EIF2S3B: variants seen among roughly 807,000 people sequenced by gnomAD.
The protein encoded by EIF2S3B is eukaryotic translation initiation factor 2 subunit gamma B, also known as eukaryotic translation initiation factor 2 subunit 3B.
In EIF2S3B, 16 loss-of-function variants were observed where a neutral mutation model predicts 26.4. The observed-to-expected ratio is 0.61, with a 90% CI of 0.41 to 0.92. EIF2S3B has a LOEUF of 0.92. Among genes scored for constraint, EIF2S3B ranks in the 40% least tolerant of loss-of-function variants. The probability of loss-of-function intolerance (pLI) is 0.00; values close to 1 mark genes in which losing one functional copy is unlikely to be tolerated. For missense variants in EIF2S3B, 510 were observed against 575.5 expected, an observed-to-expected ratio of 0.89 and a Z score of 1.16; for synonymous variants, 183 against 204.4, an observed-to-expected ratio of 0.90 and a Z score of 0.89.
At chr12:10,518,114 A>G (rs1192111021) in intron 1 of EIF2S3B, among the ~76,000 whole-genome samples, 1 of 152,116 alleles carries the variant, frequency 6.6e-6, no homozygotes, top group East Asian at 1.9e-4. Context: ...AGTTCTGTAG[A>G]TGTCTATTAG....
intron 1 of EIF2S3B, among the ~76,000 whole-genome samples, chr12:10,517,915 G>A (rs1220516539): frequency 6.6e-6 from 1 of 152,002 alleles, no homozygotes; most frequent in African/African-American, 2.4e-5. Flanking sequence ...ATGTAGTTGA[G>A]TGGTTTTGAG....
At chr12:10,523,066 TATG>T (rs1486834830) in exon 2 of EIF2S3B, 8 of 153,056 alleles carry the variant, frequency 5.2e-5, no homozygotes, top group African/African-American at 1.7e-4. Flanking sequence ...GACTGTTAAT[TATG>T]ATGTGTCCTA....
At chr12:10,511,452 T>C (rs138730225), downstream of EIF2S3B, among the ~76,000 whole-genome samples, 1,034 of 152,230 alleles carry the variant, frequency 6.8e-3, 6 homozygotes, top group Non-Finnish European at 0.011. Flanking sequence ...CTACCGCACC[T>C]GGCATTTACT....
rs1285131204 is a variant in EIF2S3B, at chr12:10,508,504, T to C, written c.*1183T>C. Among the ~76,000 whole-genome samples the C allele has an allele frequency of 1.1e-4, 2 of 17,786 alleles. No homozygotes were observed. The highest frequency in any genetic ancestry group is 2.5e-4 in the Non-Finnish European group (2 of 7,960). 11.7% of individuals were successfully genotyped at this position (17,786 alleles called of 152,430 possible). A position where few individuals can be genotyped will look rare whatever the true frequency, so the allele number is the denominator to read the frequency against. On this transcript the variant is annotated 3_prime_UTR_variant, in exon 1 of 1. Coordinates refer to ENST00000538173, the MANE Select transcript of EIF2S3B (RefSeq NM_001357734.3). ...ATTTTTGGATGTTTCAAAAGGTCAA[T>C]AAGTAAAAGATGTTAGAAAGCAAAA...
chr12:10,510,157 A>T (rs1177151585), downstream of EIF2S3B, among the ~76,000 whole-genome samples: 1 of 152,208 alleles, frequency 6.6e-6, no homozygotes, highest in Non-Finnish European at 1.5e-5. Flanking sequence ...GATGTAACAC[A>T]TACAATGAGA....
At chr12:10,517,165 G>A (rs952489124) in intron 1 of EIF2S3B, among the ~76,000 whole-genome samples, 1 of 152,042 alleles carries the variant, frequency 6.6e-6, no homozygotes, top group Non-Finnish European at 1.5e-5. Context: ...TCTATTGATT[G>A]GAATAGTTTC....
chr12:10,512,018 C>T (rs1458916021), downstream of EIF2S3B, among the ~76,000 whole-genome samples: 4 of 152,174 alleles, frequency 2.6e-5, no homozygotes, highest in Non-Finnish European at 2.9e-5. Flanking sequence ...AATCTCTTAA[C>T]GTTCCCAATT....
downstream of EIF2S3B, among the ~76,000 whole-genome samples, chr12:10,512,940 G>A (rs1864719971): frequency 6.6e-6 from 1 of 152,062 alleles, no homozygotes; most frequent in Non-Finnish European, 1.5e-5. Flanking sequence ...TCATTCATAA[G>A]ACGCTTTTAT....
chr12:10,515,641 A>G (rs1309818392), intron 1 of EIF2S3B, among the ~76,000 whole-genome samples: 2 of 152,144 alleles, frequency 1.3e-5, no homozygotes, highest in East Asian at 3.9e-4. Context: ...TATAGAAAGG[A>G]CATCAAATTT....
rs1423920839 is a variant in EIF2S3B at position 10,518,748 on chromosome 12, TC to T, written c.1309-3852del. ...ACAGAGAGCCAAATCATGAGTGAAC[TC>T]CCATTCACAATTGCTTCAAAGAGAA... On this transcript the variant is annotated intron_variant, in intron 1 of 1. Coordinates refer to the EIF2S3B transcript ENST00000322446. 6.4e-3 allele frequency among the ~76,000 whole-genome samples: 971 copies of T among 151,706 alleles called. 10 individuals are homozygous for T. The highest frequency in any genetic ancestry group is 0.022 in the African/African-American group (914 of 41,370).
At chr12:10,513,785 C>T (rs890719766) in intron 1 of EIF2S3B, among the ~76,000 whole-genome samples, 2 of 152,108 alleles carry the variant, frequency 1.3e-5, no homozygotes, top group Admixed American at 6.6e-5. Flanking sequence ...GAGGCTGAGG[C>T]GGGTGGATCA....
In EIF2S3B at chr12:10,507,480, T is replaced by G; in HGVS notation, c.*159T>G. The G allele has an allele frequency of 1.2e-6, 1 of 827,728 alleles. No homozygotes were observed. Among genetic ancestry groups the G allele is most frequent in the Non-Finnish European group, 1.9e-6 (1 of 537,046 alleles). The allele number at this position is 827,728 out of a possible 1,614,324, so 51.3% of individuals were successfully genotyped here. On this transcript the variant is annotated 3_prime_UTR_variant, in exon 1 of 1. Transcript: ENST00000538173. ...GTTATTCTCTCTTTTTTTTTTTGGT[T>G]ATGAAAACTTAGGGACTACAATTAG... is the stretch of plus-strand genomic sequence containing the variant.
downstream of EIF2S3B, among the ~76,000 whole-genome samples, chr12:10,511,444 A>G (rs1392092932): frequency 6.6e-6 from 1 of 152,156 alleles, no homozygotes; most frequent in Non-Finnish European, 1.5e-5. Context: ...GGCATGAGCT[A>G]CCGCACCTGG....
At chr12:10,511,108 A>G (rs1864700485), downstream of EIF2S3B, among the ~76,000 whole-genome samples, 1 of 152,138 alleles carries the variant, frequency 6.6e-6, no homozygotes, top group Non-Finnish European at 1.5e-5. Context: ...TTCTATGGAA[A>G]AAAAATCTGT....
intron 1 of EIF2S3B, among the ~76,000 whole-genome samples, chr12:10,521,840 C>T (rs944538626): frequency 3.3e-5 from 5 of 152,130 alleles, no homozygotes; most frequent in African/African-American, 1.2e-4. Flanking sequence ...ATTCAACCTT[C>T]CACAAAACAA....
In EIF2S3B at chr12:10,506,878, AATG is replaced by A. The variant is rs1165965910; in HGVS notation, c.979_981del (p.Asp327del). Reference sequence around the variant, plus strand: ...AATTGTTTCACTTTTTGCGGAGCATAATGATCTGCAATATGCTGCTCCAGGCGG... The same window carrying A: ...AATTGTTTCACTTTTTGCGGAGCATAATCTGCAATATGCTGCTCCAGGCGG... On this transcript the variant is annotated inframe_deletion, in exon 1 of 1. Transcript: ENST00000538173. 6.2e-7 allele frequency: 1 copy of A among 1,613,650 alleles called. No homozygotes were observed. Among genetic ancestry groups the A allele is most frequent in the Non-Finnish European group, 8.5e-7 (1 of 1,179,524 alleles).
chr12:10,520,708 A>G (rs1864822466), intron 1 of EIF2S3B, among the ~76,000 whole-genome samples: 1 of 152,082 alleles, frequency 6.6e-6, no homozygotes, highest in Admixed American at 6.6e-5. Context: ...GTCTCTGTGC[A>G]TGTCACTCTC....
rs145419396 is a variant in EIF2S3B, at chr12:10,515,195, A to C, written c.1309-7408A>C. 5.0e-4 allele frequency among the ~76,000 whole-genome samples: 76 copies of C among 152,014 alleles called. 1 individual carries two copies. The highest frequency in any genetic ancestry group is 1.8e-3 in the African/African-American group (73 of 41,518). On this transcript the variant is annotated intron_variant, in intron 1 of 1. Transcript: ENST00000322446. The stretch of plus-strand genomic sequence containing the variant: ...CCTGCTTGTCCTCTACTTCACATCA[A>C]TTATGATCTACAGGGAAGCTTTTAT...
downstream of EIF2S3B, among the ~76,000 whole-genome samples, chr12:10,509,855 C>A (rs990873241): frequency 6.6e-6 from 1 of 151,840 alleles, no homozygotes; most frequent in African/African-American, 2.4e-5. Flanking sequence ...ATATTTAAAG[C>A]ATGAAAGTCA....
Sources: allele counts gnomAD v4.1 joint callset (sites outside exome capture counted in the v4.1 genomes callset), GRCh38; gene constraint gnomAD v4.1.1; transcripts MANE v1.5; gene names NCBI Gene and HGNC (gene_info 2026-07-23, HGNC 2026-07-21).